PON3: variants seen among roughly 807,000 people sequenced by gnomAD.
PON3 encodes the protein serum paraoxonase/lactonase 3.
PON3 carries 37 observed loss-of-function variants against 36.3 expected under a neutral mutation model. That is an observed-to-expected ratio of 1.02 (90% confidence interval 0.78 to 1.34). The LOEUF (loss-of-function observed/expected upper bound fraction) is 1.34, where lower values mean the gene tolerates loss of function less well. PON3 is among the 40% of genes most tolerant of loss of function. PON3 has a pLI of 0.00. For synonymous variants in PON3, 155 were observed against 154.8 expected, an observed-to-expected ratio of 1.00 and a Z score of -0.01; for missense variants, 415 against 426.5, an observed-to-expected ratio of 0.97 and a Z score of 0.24.
chr7:95,373,456 G>A lies in PON3; in HGVS notation c.202-1118C>T, dbSNP rs371279446. 7.9e-5 allele frequency among the ~76,000 whole-genome samples: 12 copies of A among 152,174 alleles called. No individual in the cohort carries two copies. The East Asian group carries it at 1.2e-3, about 15-fold the overall frequency. Reference sequence around the variant, plus strand: ...AACCTGGCTTTTCCCAGACAACACCGGCACTACTGAAGCTCATCAGAGGAG... The same window carrying A: ...AACCTGGCTTTTCCCAGACAACACCAGCACTACTGAAGCTCATCAGAGGAG... On this transcript the variant is annotated intron_variant, in intron 3 of 8. Coordinates refer to ENST00000265627, the MANE Select transcript of PON3 (RefSeq NM_000940.3).
At position 95,363,958 on chromosome 7, in the gene PON3, G is replaced by A. The variant is rs768885543; in HGVS notation, c.600C>T (p.Arg200=). Residue 200 remains arginine, a synonymous_variant, in exon 6 of 9, where the codon CGC becomes CGT. Coordinates refer to ENST00000265627, the MANE Select transcript of PON3 (RefSeq NM_000940.3). ...LSFFEMILDL[R]WTYVLFYSPR... is the part of the protein sequence containing the mutation. ...GGCTGTAGAAAAGAACATAAGTCCA[G>A]CGAAGATCCAAGATCATCTCAAAAA... 6.2e-7 allele frequency: 1 copy of A among 1,613,732 alleles called. No individual in the cohort carries two copies. The highest frequency in any genetic ancestry group is 2.2e-5 in the East Asian group (1 of 44,884).
chr7:95,364,144 C>T (rs1177839313), intron 5 of PON3, 81 bp from the exon 6 acceptor site: 1 of 1,078,962 alleles, frequency 9.3e-7, no homozygotes, highest in South Asian at 1.3e-5. Context: ...CTCATCTCTA[C>T]ATAGACTAAT....
chr7:95,363,764 C>T (rs1808629078), intron 6 of PON3, 99 bp downstream of exon 6: 8 of 1,152,676 alleles, frequency 6.9e-6, no homozygotes, highest in Non-Finnish European at 1.0e-5. Context: ...CACATATATT[C>T]ACTACGTAAG....
At chr7:95,370,472 A>G in intron 4 of PON3, among the ~76,000 whole-genome samples, 1 of 152,244 alleles carries the variant, frequency 6.6e-6, no homozygotes, top group East Asian at 1.9e-4. Flanking sequence ...AAGTAAAGAC[A>G]CCATTATATA....
chr7:95,379,533 C>A (rs1395290209), intron 3 of PON3, among the ~76,000 whole-genome samples: 1 of 152,266 alleles, frequency 6.6e-6, no homozygotes, highest in East Asian at 1.9e-4. Context: ...ATGGTCTTAG[C>A]AAACAGCACA....
At chr7:95,368,031 G>A (rs1411881399) in intron 4 of PON3, among the ~76,000 whole-genome samples, 2 of 152,130 alleles carry the variant, frequency 1.3e-5, no homozygotes, top group African/African-American at 2.4e-5. Context: ...AATGGACATG[G>A]CATGTAAATA....
At chr7:95,378,162 T>C (rs781058810) in intron 3 of PON3, among the ~76,000 whole-genome samples, 2 of 152,100 alleles carry the variant, frequency 1.3e-5, no homozygotes, top group Admixed American at 6.6e-5. Flanking sequence ...ATATCAGTGA[T>C]TGAAGACCAA....
intron 6 of PON3, chr7:95,363,526 C>A: frequency 5.8e-6 from 2 of 343,674 alleles, no homozygotes; most frequent in Admixed American, 8.6e-5. Context: ...CATAAGTGGT[C>A]AAATACTTTG....
chr7:95,394,037 C>G (rs1175498292), intron 2 of PON3, among the ~76,000 whole-genome samples: 1 of 152,062 alleles, frequency 6.6e-6, no homozygotes, highest in African/African-American at 2.4e-5. Context: ...GCTGGGATTA[C>G]AGGCACACGC....
chr7:95,386,204 G>A (rs1466382515), intron 3 of PON3, among the ~76,000 whole-genome samples: 3 of 151,980 alleles, frequency 2.0e-5, no homozygotes, highest in African/African-American at 7.2e-5. Context: ...CTGCTCTTTT[G>A]AAAAAATCAA....
At position 95,373,709 on chromosome 7, in the gene PON3, C is replaced by T. The variant is rs534258650; in HGVS notation, c.202-1371G>A. On this transcript the variant is annotated intron_variant, in intron 3 of 8. Transcript: ENST00000265627. ...CTCCACTACAAAGTCACTATCCCAA[C>T]TTCAGCCAGACATTTAGTACTGTTT... 2.6e-5 allele frequency among the ~76,000 whole-genome samples: 4 copies of T among 152,330 alleles called. No homozygotes were observed. In the South Asian group the frequency reaches 6.2e-4, roughly 24 times the overall value.
chr7:95,368,364 C>T (rs1214738162), intron 4 of PON3, among the ~76,000 whole-genome samples: 1 of 152,206 alleles, frequency 6.6e-6, no homozygotes, highest in Non-Finnish European at 1.5e-5. Flanking sequence ...CTCTGAAACA[C>T]ACTGGGCACT....
intron 3 of PON3, among the ~76,000 whole-genome samples, chr7:95,379,310 A>G (rs1283605207): frequency 6.6e-6 from 1 of 152,210 alleles, no homozygotes; most frequent in African/African-American, 2.4e-5. Flanking sequence ...TGCATTTCCA[A>G]CTGAGGTACC....
chr7:95,389,266 C>G (rs1809266267), intron 3 of PON3, among the ~76,000 whole-genome samples: 1 of 152,166 alleles, frequency 6.6e-6, no homozygotes, highest in Non-Finnish European at 1.5e-5. Context: ...AAATGAGAGC[C>G]TCACTCTATT....
chr7:95,377,232 T>G (rs566463762), intron 3 of PON3, among the ~76,000 whole-genome samples: 1 of 152,228 alleles, frequency 6.6e-6, no homozygotes, highest in South Asian at 2.1e-4. Flanking sequence ...AGTAGGCGGT[T>G]TTGTGCTCAC....
chr7:95,363,913 C>T lies in PON3; in HGVS notation c.645G>A (p.Val215=), dbSNP rs1338132990. ...LFYSPREVKV[V]AKGFCSANGI... ...CATTGGCACTACAAAATCCTTTGGC[C>T]ACCACTTTAACCTCCCTTGGGCTGT... The change falls in exon 6 of 9, where the codon GTG becomes GTA. Residue 215 remains valine (V), a synonymous_variant. Transcript: ENST00000265627. 1.2e-6 allele frequency: 2 copies of T among 1,613,768 alleles called. No homozygotes were observed. Among genetic ancestry groups the T allele is most frequent in the Non-Finnish European group, 1.7e-6 (2 of 1,179,724 alleles).
chr7:95,395,907 T>G (rs1188230162), intron 1 of PON3: 2 of 338,836 alleles, frequency 5.9e-6, no homozygotes, highest in Non-Finnish European at 1.2e-5. Flanking sequence ...GGTAGCCTGA[T>G]CCTCTCTCCC....
intron 5 of PON3, among the ~76,000 whole-genome samples, chr7:95,366,536 C>T (rs1808698852): frequency 6.6e-6 from 1 of 152,172 alleles, no homozygotes; most frequent in Admixed American, 6.5e-5. Flanking sequence ...TCCCATGAAA[C>T]AATTTACTGT....
chr7:95,362,512 T>C (rs201644861), intron 7 of PON3, 22 bp from the exon 8 acceptor site: 81 of 1,613,116 alleles, frequency 5.0e-5, no homozygotes, highest in Non-Finnish European at 6.7e-5. Flanking sequence ...GAGGGAGTAG[T>C]GAAGACATTG....
Sources: gnomAD v4.1 joint callset for allele counts (sites outside exome capture counted in the v4.1 genomes callset) on GRCh38, gnomAD v4.1.1 for gene constraint, MANE v1.5 for transcripts, NCBI Gene and HGNC (gene_info 2026-07-23, HGNC 2026-07-21) for gene names.